Variants in TPO observed in about 807,000 individuals in gnomAD.
TPO encodes the protein thyroid microsomal antigen.
In TPO, 78 loss-of-function variants were observed where a neutral mutation model predicts 96.9. The ratio of observed to expected loss-of-function variants is 0.81; its 90% confidence interval spans 0.67 to 0.97. The LOEUF (loss-of-function observed/expected upper bound fraction) is 0.97. Among genes scored for constraint, TPO ranks in the 50% least tolerant of loss-of-function variants. TPO has a pLI of 0.00. For missense variants in TPO, 1,252 were observed against 1,274.8 expected (o/e 0.98, Z 0.27); for synonymous variants, 547 against 538.0 (o/e 1.02, Z -0.23).
In TPO at chr2:1,493,209, T is replaced by TTGGGGG. The variant is rs1553321276; in HGVS notation, c.1769-593_1769-592insTGGGGG. Among the ~76,000 whole-genome samples the TTGGGGG allele has an allele frequency of 5.7e-4, 10 of 17,494 alleles. 1 individual carries two copies. Among genetic ancestry groups the TTGGGGG allele is most frequent in the Non-Finnish European group, 1.4e-3 (10 of 7,052 alleles). 11.5% of individuals were successfully genotyped at this position (17,494 alleles called of 152,430 possible). On this transcript the variant is annotated intron_variant, in intron 10 of 16. Transcript: ENST00000329066. ...ATTTGTGTGTGTGTGTGTGAGTGGG[T>TTGGGGG]GGGGGGGGGGGTGCTGGCTTCTGTG...
intron 5 of TPO, among the ~76,000 whole-genome samples, chr2:1,450,552 C>T (rs1404010740): frequency 6.6e-6 from 1 of 152,166 alleles, no homozygotes; most frequent in African/African-American, 2.4e-5. Flanking sequence ...CAGTGTGGTA[C>T]AATAGATTTC....
chr2:1,449,307 C>A (rs1349112452), intron 5 of TPO, among the ~76,000 whole-genome samples: 1 of 152,224 alleles, frequency 6.6e-6, no homozygotes, highest in Admixed American at 6.5e-5. Flanking sequence ...AAAAACACCT[C>A]ATATCTGATG....
At chr2:1,408,732 G>A (rs962731867), upstream of TPO, among the ~76,000 whole-genome samples, 6 of 151,960 alleles carry the variant, frequency 3.9e-5, no homozygotes, top group African/African-American at 1.5e-4. Context: ...ATGTTCAATC[G>A]GCCTACTCAG....
intron 15 of TPO, among the ~76,000 whole-genome samples, chr2:1,519,117 G>C (rs28913030): frequency 6.6e-6 from 1 of 152,144 alleles, no homozygotes; most frequent in Non-Finnish European, 1.5e-5. Flanking sequence ...GAGGGAGGCC[G>C]GGGGAGCCGC....
chr2:1,383,497 T>C (rs184114106), intron 1 of TPO, among the ~76,000 whole-genome samples: 210 of 152,358 alleles, frequency 1.4e-3, no homozygotes, highest in African/African-American at 4.8e-3. Flanking sequence ...CAGTTTTTCA[T>C]GTGTCTGTTG....
chr2:1,475,824 C>T lies in TPO; in HGVS notation c.820-1262C>T, dbSNP rs1669872047. On this transcript the variant is annotated intron_variant, in intron 7 of 16. Coordinates refer to ENST00000329066, the MANE Select transcript of TPO (RefSeq NM_001206744.2). ...TGGCTCTGAGCCAAGGCTGGGGCCTCGTTGCTGCCCCGACCCCCAGCTGGC... is the reference window on the plus strand; with the variant it reads ...TGGCTCTGAGCCAAGGCTGGGGCCTTGTTGCTGCCCCGACCCCCAGCTGGC... 2.0e-5 allele frequency among the ~76,000 whole-genome samples: 3 copies of T among 152,240 alleles called. No homozygotes were observed. In the South Asian group the frequency reaches 6.2e-4, roughly 31 times the overall value.
intron 1 of TPO, among the ~76,000 whole-genome samples, chr2:1,402,830 G>T (rs1350997330): frequency 1.6e-4 from 24 of 152,206 alleles, no homozygotes; most frequent in African/African-American, 4.8e-5. Flanking sequence ...ATTGAGGGGG[G>T]ACACATCCGA....
chr2:1,390,150 C>G (rs1166290582), intron 1 of TPO, among the ~76,000 whole-genome samples: 1 of 133,394 alleles, frequency 7.5e-6, no homozygotes, highest in African/African-American at 4.0e-5. Context: ...GGTATTTCTC[C>G]TAATGCTATC....
At chr2:1,542,101 G>A (rs770106572) in intron 16 of TPO, 99 of 456,962 alleles carry the variant, frequency 2.2e-4, no homozygotes, top group Admixed American at 1.5e-3. Flanking sequence ...AAGGCCAGGC[G>A]TTCTGTTCAT....
At chr2:1,531,903 C>A (rs1326729526) in intron 15 of TPO, among the ~76,000 whole-genome samples, 1 of 81,938 alleles carries the variant, frequency 1.2e-5, no homozygotes, top group Non-Finnish European at 2.6e-5. Flanking sequence ...CTGTGTGCAA[C>A]CTCCTCAAAT....
intron 7 of TPO, among the ~76,000 whole-genome samples, chr2:1,465,260 G>A (rs543601696): frequency 2.0e-4 from 31 of 152,108 alleles, no homozygotes; most frequent in Non-Finnish European, 3.8e-4. Flanking sequence ...TGGTCTATGT[G>A]CTTATTTTTG....
At chr2:1,504,521 G>C (rs758243206) in intron 14 of TPO, among the ~76,000 whole-genome samples, 2 of 152,184 alleles carry the variant, frequency 1.3e-5, no homozygotes, top group Non-Finnish European at 2.9e-5. Flanking sequence ...CTCCACCTCC[G>C]GATGTCCCCG....
At chr2:1,527,796 C>A (rs1265135473) in intron 15 of TPO, among the ~76,000 whole-genome samples, 1 of 144,866 alleles carries the variant, frequency 6.9e-6, no homozygotes, top group African/African-American at 2.6e-5. Flanking sequence ...TCCCAAAATC[C>A]CACACACTGT....
chr2:1,524,525 CCA>C (rs1675975796), intron 15 of TPO, among the ~76,000 whole-genome samples: 1 of 138,206 alleles, frequency 7.2e-6, no homozygotes, highest in Non-Finnish European at 1.6e-5. Flanking sequence ...TCCCCAAATC[CCA>C]CCCACTGTGT....
At chr2:1,522,205 G>A (rs1466019673) in intron 15 of TPO, among the ~76,000 whole-genome samples, 6 of 118,974 alleles carry the variant, frequency 5.0e-5, no homozygotes, top group East Asian at 2.6e-4. Flanking sequence ...ACCCCACACC[G>A]GCCCGCCACC....
chr2:1,498,299 G>A (rs1229287074), intron 13 of TPO, among the ~76,000 whole-genome samples: 2 of 152,184 alleles, frequency 1.3e-5, no homozygotes, highest in East Asian at 3.9e-4. Context: ...TAGGGGTGCG[G>A]CTCCCGCCAA....
At chr2:1,380,301 G>A (rs955018088) in intron 1 of TPO, among the ~76,000 whole-genome samples, 4 of 151,484 alleles carry the variant, frequency 2.6e-5, no homozygotes, top group Admixed American at 2.6e-4. Context: ...GGCTGAGGCA[G>A]GAGAATGGCA....
chr2:1,381,626 T>C (rs995955437), intron 1 of TPO, among the ~76,000 whole-genome samples: 5 of 152,248 alleles, frequency 3.3e-5, no homozygotes, highest in Non-Finnish European at 5.9e-5. Flanking sequence ...CTTTGCTTTA[T>C]GTAGAAAATG....
chr2:1,489,419 C>T (rs1671500567), intron 10 of TPO, among the ~76,000 whole-genome samples: 1 of 152,220 alleles, frequency 6.6e-6, no homozygotes. Flanking sequence ...CTTCCCCAAG[C>T]TAACTGTGCC....
Sources: gnomAD v4.1 joint callset for allele counts (sites outside exome capture counted in the v4.1 genomes callset) on GRCh38, gnomAD v4.1.1 for gene constraint, MANE v1.5 for transcripts, NCBI Gene and HGNC (gene_info 2026-07-23, HGNC 2026-07-21) for gene names.